MGAM2: variants seen among roughly 807,000 people sequenced by gnomAD.
The protein encoded by MGAM2 is probable maltase-glucoamylase 2.
Under a neutral mutation model 96.1 loss-of-function variants are expected in MGAM2, and 98 were observed. That is an observed-to-expected ratio of 1.02 (90% CI 0.87 to 1.21). MGAM2 has a LOEUF of 1.21. MGAM2 is among the 50% of genes most tolerant of loss of function. The pLI is 0.00. For missense variants in MGAM2, 2,055 were observed against 1,182.4 expected, an observed-to-expected ratio of 1.74 and a Z score of -10.82; for synonymous variants, 749 against 414.8, an observed-to-expected ratio of 1.81 and a Z score of -9.79.
intron 32 of MGAM2, among the ~76,000 whole-genome samples, chr7:142,178,087 T>C (rs1796430187): frequency 1.3e-5 from 2 of 152,222 alleles, no homozygotes; most frequent in African/African-American, 4.8e-5. Flanking sequence ...TATCTCTTTG[T>C]GGTTTGATTT....
chr7:142,127,006 A>T (rs1243798107), intron 3 of MGAM2, among the ~76,000 whole-genome samples: 2 of 152,226 alleles, frequency 1.3e-5, no homozygotes, highest in African/African-American at 4.8e-5. Context: ...GCTGGATATG[A>T]TTAATGGTGG....
intron 21 of MGAM2, 145 bp from the exon 22 acceptor site, chr7:142,160,980 C>A (rs1733128612): frequency 1.9e-6 from 1 of 529,900 alleles, no homozygotes; most frequent in Admixed American, 2.9e-5. Context: ...CCACACCCAG[C>A]TCCCATGTGT....
intron 9 of MGAM2, among the ~76,000 whole-genome samples, chr7:142,137,924 G>C (rs979056648): frequency 9.9e-5 from 15 of 152,218 alleles, no homozygotes; most frequent in Non-Finnish European, 1.0e-4. Context: ...AGAAAAGGAA[G>C]ACGCTTGAGG....
chr7:142,141,858 A>G (rs1448654062), intron 12 of MGAM2, among the ~76,000 whole-genome samples: 1 of 152,206 alleles, frequency 6.6e-6, no homozygotes, highest in African/African-American at 2.4e-5. Context: ...CTGAGGTAGC[A>G]GACTCAGGCA....
intron 33 of MGAM2, 91 bp downstream of exon 33, chr7:142,183,464 C>T: frequency 1.6e-6 from 1 of 641,264 alleles, no homozygotes; most frequent in Non-Finnish European, 2.8e-6. Context: ...ATATATTGGA[C>T]AATCAATAAA....
At chr7:142,174,483 G>A (rs1260559715) in intron 31 of MGAM2, among the ~76,000 whole-genome samples, 1 of 152,122 alleles carries the variant, frequency 6.6e-6, no homozygotes, top group East Asian at 1.9e-4. Flanking sequence ...ACTGTTGGTG[G>A]TGCATAGAAA....
rs1796012118 is a variant in MGAM2, at chr7:142,165,831, C to T, written c.2653-267C>T. Among the ~76,000 whole-genome samples the T allele has an allele frequency of 2.0e-5, 3 of 152,062 alleles. No individual in the cohort carries two copies. In the South Asian group the frequency reaches 6.2e-4, roughly 32 times the overall value. ...TTTATTAAATTGGTAAGCATCACACCCAGAGGACAGTAAGCCTAACCATGA... is the reference window on the plus strand; with the variant it reads ...TTTATTAAATTGGTAAGCATCACACTCAGAGGACAGTAAGCCTAACCATGA... On this transcript the variant is annotated intron_variant, in intron 24 of 47. Transcript: ENST00000477922.
At chr7:142,161,588 G>T (rs1317601146) in intron 22 of MGAM2, among the ~76,000 whole-genome samples, 1 of 152,044 alleles carries the variant, frequency 6.6e-6, no homozygotes, top group African/African-American at 2.4e-5. Flanking sequence ...TCACTGTAAG[G>T]TTTCCATGTA....
chr7:142,172,300 G>C (rs1036098522), intron 29 of MGAM2, 106 bp downstream of exon 29: 4 of 556,950 alleles, frequency 7.2e-6, no homozygotes, highest in Admixed American at 5.9e-5. Context: ...AAGGGAAATG[G>C]AACAAATAAA....
intron 32 of MGAM2, among the ~76,000 whole-genome samples, chr7:142,181,541 A>G (rs1402442024): frequency 6.6e-6 from 1 of 152,166 alleles, no homozygotes; most frequent in Non-Finnish European, 1.5e-5. Context: ...TCCCAAGTCC[A>G]TTTTTGGTGC....
At position 142,162,014 on chromosome 7, in the gene MGAM2, T is replaced by C; in HGVS notation, c.2484+10T>C. The C allele has an allele frequency of 1.4e-6, 1 of 690,298 alleles. No homozygotes were observed. The highest frequency in any genetic ancestry group is 1.8e-5 in the African/African-American group (1 of 56,694). 42.8% of individuals were successfully genotyped at this position (690,298 alleles called of 1,614,324 possible). On this transcript the variant is annotated intron_variant, in intron 23 of 47. Coordinates refer to ENST00000477922, the MANE Select transcript of MGAM2 (RefSeq NM_001293626.2). ...TTTCTCTGTTACCTCTGTAAGTATT[T>C]TGTTTGAGGAACACACAGCATATGT...
rs538659770 is a variant in MGAM2 at position 142,115,323 on chromosome 7, T to A, written c.1-1551T>A. Among the ~76,000 whole-genome samples the A allele has an allele frequency of 5.3e-5, 8 of 152,356 alleles. No homozygotes were observed. The South Asian group carries it at 1.7e-3, about 32-fold the overall frequency. On this transcript the variant is annotated intron_variant, in intron 1 of 47. Transcript: ENST00000477922. ...TAGGAGATTATGAGCCTCGGTGGCATCTCCCTTGAGTTACGTGCGGCAGCA... is the reference window on the plus strand; with the variant it reads ...TAGGAGATTATGAGCCTCGGTGGCAACTCCCTTGAGTTACGTGCGGCAGCA...
chr7:142,207,671 C>T (rs948903786), intron 45 of MGAM2, among the ~76,000 whole-genome samples: 58 of 152,048 alleles, frequency 3.8e-4, no homozygotes, highest in African/African-American at 9.9e-4. Flanking sequence ...CCTCGTGATG[C>T]GCCCGCCTCG....
intron 6 of MGAM2, among the ~76,000 whole-genome samples, 176 bp downstream of exon 6, chr7:142,132,261 C>G (rs1046553990): frequency 1.3e-5 from 2 of 150,294 alleles, no homozygotes; most frequent in East Asian, 1.9e-4. Context: ...GCTCGTAAAA[C>G]AGAGAATACT....
rs1303671980 is a variant in MGAM2 at position 142,144,957 on chromosome 7, C to T, written c.1516+12C>T. ...TCCTTTTCTTCCTAGTAAGTTTTCA[C>T]CTGTTTGCTATGACGTAGGAATAAG... On this transcript the variant is annotated intron_variant, in intron 14 of 47. Transcript: ENST00000477922. The T allele has an allele frequency of 2.8e-6, 2 of 702,604 alleles. No homozygotes were observed. The highest frequency in any genetic ancestry group is 3.0e-5 in the South Asian group (2 of 67,552). 43.5% of individuals were successfully genotyped at this position (702,604 alleles called of 1,614,324 possible).
chr7:142,162,025 A>T, intron 23 of MGAM2, 21 bp downstream of exon 23: 1 of 689,044 alleles, frequency 1.5e-6, no homozygotes. Context: ...TGTTTGAGGA[A>T]CACACAGCAT....
At chr7:142,141,210 T>C in intron 12 of MGAM2, 91 bp downstream of exon 12, 1 of 641,874 alleles carries the variant, frequency 1.6e-6, no homozygotes, top group African/African-American at 1.8e-5. Context: ...GTTACAATAT[T>C]GTTACTGTTT....
intron 23 of MGAM2, among the ~76,000 whole-genome samples, chr7:142,164,414 T>A (rs1258578038): frequency 2.6e-5 from 4 of 152,194 alleles, no homozygotes; most frequent in Non-Finnish European, 1.5e-5. Flanking sequence ...ACAGTGCCTG[T>A]CACATAATAC....
At chr7:142,182,222 C>T (rs142200917) in intron 32 of MGAM2, among the ~76,000 whole-genome samples, 2 of 152,296 alleles carry the variant, frequency 1.3e-5, no homozygotes, top group East Asian at 3.9e-4. Flanking sequence ...GGGCCTGCAG[C>T]TTTGTTTTCT....
Sources: allele counts gnomAD v4.1 joint callset (sites outside exome capture counted in the v4.1 genomes callset), GRCh38; gene constraint gnomAD v4.1.1; transcripts MANE v1.5; gene names NCBI Gene and HGNC (gene_info 2026-07-23, HGNC 2026-07-21).